MSRA: variants seen among roughly 807,000 people sequenced by gnomAD.
MSRA encodes mitochondrial peptide methionine sulfoxide reductase.
A neutral mutation model predicts 31.3 loss-of-function variants in MSRA; 54 were observed. The ratio of observed to expected loss-of-function variants is 1.73; its 90% CI spans 1.39 to 2.17. The LOEUF (loss-of-function observed/expected upper bound fraction) is 2.17. Ranked by LOEUF, MSRA falls within the 30% of genes most tolerant of loss-of-function variation. MSRA has a pLI of 0.00. For synonymous variants in MSRA, 169 were observed against 116.5 expected (o/e 1.45, Z -2.90); for missense variants, 507 against 300.9 (o/e 1.69, Z -5.07).
intron 2 of MSRA, among the ~76,000 whole-genome samples, chr8:10,216,818 G>A (rs988134295): frequency 6.6e-6 from 1 of 152,178 alleles, no homozygotes; most frequent in Non-Finnish European, 1.5e-5. Context: ...ATCAATACTT[G>A]AGTTGCTTCC....
intron 5 of MSRA, among the ~76,000 whole-genome samples, chr8:10,361,245 G>A (rs1327990182): frequency 1.3e-5 from 2 of 152,176 alleles, no homozygotes; most frequent in African/African-American, 2.4e-5. Flanking sequence ...AGTGTGTTGG[G>A]GAAGATTTAG....
intron 3 of MSRA, among the ~76,000 whole-genome samples, chr8:10,297,242 C>T (rs1483409196): frequency 6.6e-6 from 1 of 152,146 alleles, no homozygotes; most frequent in African/African-American, 2.4e-5. Context: ...CTTTAATCAA[C>T]CCCTCTCCAT....
chr8:10,275,393 T>C (rs896985975), intron 3 of MSRA, among the ~76,000 whole-genome samples: 3 of 152,252 alleles, frequency 2.0e-5, no homozygotes, highest in Admixed American at 2.0e-4. Context: ...GTGTAAGGGT[T>C]CACAGTATGA....
At chr8:10,077,067 G>T (rs944007516) in intron 1 of MSRA, among the ~76,000 whole-genome samples, 1 of 144,798 alleles carries the variant, frequency 6.9e-6, no homozygotes, top group African/African-American at 2.5e-5. Flanking sequence ...AAAAAGAGCA[G>T]AGGACAAGGA....
chr8:10,423,159 G>A (rs888791481), intron 5 of MSRA, among the ~76,000 whole-genome samples: 2 of 152,148 alleles, frequency 1.3e-5, no homozygotes, highest in Admixed American at 6.5e-5. Context: ...AGAGGGGAGA[G>A]GCCACCAGGC....
chr8:10,328,392 C>T (rs891546653), intron 5 of MSRA, among the ~76,000 whole-genome samples: 1 of 151,910 alleles, frequency 6.6e-6, no homozygotes, highest in African/African-American at 2.4e-5. Flanking sequence ...ATTCTACCTC[C>T]AAAAGACATC....
At chr8:10,180,136 C>T (rs1225764067) in intron 1 of MSRA, among the ~76,000 whole-genome samples, 1 of 152,208 alleles carries the variant, frequency 6.6e-6, no homozygotes, top group African/African-American at 2.4e-5. Context: ...TTGTCACCTG[C>T]ACTTCTCTCT....
chr8:10,207,758 A>G (rs1809122334), intron 1 of MSRA, 75 bp from the exon 2 acceptor site: 4 of 1,333,528 alleles, frequency 3.0e-6, no homozygotes, highest in Non-Finnish European at 3.1e-6. Flanking sequence ...AGGCTCATTG[A>G]CACATTTAAT....
chr8:10,244,611 C>T (rs887043387), intron 2 of MSRA, among the ~76,000 whole-genome samples: 9 of 152,232 alleles, frequency 5.9e-5, no homozygotes, highest in African/African-American at 1.7e-4. Flanking sequence ...GAAAACTAAA[C>T]ACATATGTGA....
chr8:10,133,941 G>T (rs911542258), intron 1 of MSRA, among the ~76,000 whole-genome samples: 2 of 151,926 alleles, frequency 1.3e-5, no homozygotes, highest in African/African-American at 4.8e-5. Context: ...AGTGATTCTC[G>T]TTTCTCAGCC....
rs10283052 is a variant in MSRA at position 10,199,753 on chromosome 8, C to T, written c.143-8080C>T. Among the ~76,000 whole-genome samples, 228 of 152,268 alleles carry T rather than the reference C, an allele frequency of 1.5e-3. 1 individual carries two copies. Among genetic ancestry groups the T allele is most frequent in the African/African-American group, 4.4e-3 (182 of 41,542 alleles). ...ATGCTTTATTCTATTAAAAATGTGT[C>T]CTCATCCTTATTTCCTCACTCTTTG... On this transcript the variant is annotated intron_variant, in intron 1 of 5. Transcript: ENST00000317173.
At chr8:10,280,899 G>A (rs1164082916) in intron 3 of MSRA, among the ~76,000 whole-genome samples, 1 of 152,104 alleles carries the variant, frequency 6.6e-6, no homozygotes, top group Non-Finnish European at 1.5e-5. Context: ...GAATCCACTC[G>A]CAAAAAACCA....
intron 5 of MSRA, among the ~76,000 whole-genome samples, chr8:10,381,226 C>T (rs141099065): frequency 6.7e-4 from 102 of 152,294 alleles, no homozygotes; most frequent in African/African-American, 2.3e-3. Context: ...ACCACCCACT[C>T]TCCCATGTTC....
chr8:10,283,512 ATTTGTG>A (rs1799746745), intron 3 of MSRA, among the ~76,000 whole-genome samples: 1 of 151,702 alleles, frequency 6.6e-6, no homozygotes, highest in African/African-American at 2.4e-5. Context: ...TTTAGTGGTG[ATTTGTG>A]AGATTTTGTT....
rs572810118 is a variant in MSRA at position 10,424,754 on chromosome 8, G to A, written c.544-3394G>A. Reference sequence around the variant, plus strand: ...AGAGGCCCCCTCCTGGGTTAGGGGAGGTGCTGGGGCAGGCCCAGATCTCCC... The same window carrying A: ...AGAGGCCCCCTCCTGGGTTAGGGGAAGTGCTGGGGCAGGCCCAGATCTCCC... On this transcript the variant is annotated intron_variant, in intron 5 of 5. Transcript: ENST00000317173. Among the ~76,000 whole-genome samples, 14 of 152,312 alleles carry A rather than the reference G, an allele frequency of 9.2e-5. No individual in the cohort carries two copies. In the East Asian group the frequency reaches 2.7e-3, roughly 29 times the overall value.
At chr8:10,269,509 T>C (rs1273601974) in intron 3 of MSRA, among the ~76,000 whole-genome samples, 2 of 152,218 alleles carry the variant, frequency 1.3e-5, no homozygotes, top group African/African-American at 4.8e-5. Context: ...TAGGTTTGTG[T>C]GAACAACAGG....
At chr8:10,202,679 C>A (rs192946624) in intron 1 of MSRA, among the ~76,000 whole-genome samples, 1 of 152,062 alleles carries the variant, frequency 6.6e-6, no homozygotes, top group East Asian at 1.9e-4. Context: ...GTTTATTTGC[C>A]GTTCCTGAAA....
At chr8:10,381,454 C>G (rs542477146) in intron 5 of MSRA, among the ~76,000 whole-genome samples, 117 of 152,270 alleles carry the variant, frequency 7.7e-4, no homozygotes, top group Middle Eastern at 6.8e-3. Context: ...AGGGGAAGAG[C>G]TGGGAGGAAG....
intron 5 of MSRA, among the ~76,000 whole-genome samples, chr8:10,359,671 C>A (rs1011790233): frequency 6.6e-6 from 1 of 152,134 alleles, no homozygotes; most frequent in Non-Finnish European, 1.5e-5. Flanking sequence ...CCTTCCACTG[C>A]TGCCACCAAG....
Sources: gnomAD v4.1 joint callset for allele counts (sites outside exome capture counted in the v4.1 genomes callset) on GRCh38, gnomAD v4.1.1 for gene constraint, MANE v1.5 for transcripts, NCBI Gene and HGNC (gene_info 2026-07-23, HGNC 2026-07-21) for gene names.